The following AOAH variants were observed in gnomAD, a reference collection of about 807,000 sequenced individuals.
AOAH encodes the protein acyloxyacyl hydrolase (neutrophil).
AOAH carries 64 observed loss-of-function variants against 92.2 expected under a neutral mutation model. That is an observed-to-expected ratio of 0.69 (90% CI 0.57 to 0.86). The LOEUF is 0.86. Among genes scored for constraint, AOAH ranks in the 40% least tolerant of loss-of-function variants. The pLI, the probability that AOAH is intolerant of heterozygous loss-of-function variation, is 0.00. For missense variants in AOAH, 656 were observed against 694.6 expected, an observed-to-expected ratio of 0.94 and a Z score of 0.62; for synonymous variants, 263 against 254.5, an observed-to-expected ratio of 1.03 and a Z score of -0.32.
At chr7:36,605,584 T>C (rs1790941089) in intron 11 of AOAH, among the ~76,000 whole-genome samples, 2 of 152,234 alleles carry the variant, frequency 1.3e-5, no homozygotes, top group South Asian at 2.1e-4. Context: ...TAATTATAAA[T>C]GCTTTTCAGA....
intron 4 of AOAH, among the ~76,000 whole-genome samples, chr7:36,649,451 G>C (rs1421758360): frequency 2.0e-5 from 3 of 152,206 alleles, no homozygotes; most frequent in Non-Finnish European, 4.4e-5. Context: ...GAAGGTGACT[G>C]CATCCGCTTT....
chr7:36,570,991 G>C (rs914788741), intron 13 of AOAH, among the ~76,000 whole-genome samples: 1 of 152,020 alleles, frequency 6.6e-6, no homozygotes, highest in African/African-American at 2.4e-5. Context: ...AGCAAATAAC[G>C]AACCATACAC....
chr7:36,595,176 T>A (rs1386425236), intron 11 of AOAH, among the ~76,000 whole-genome samples: 3 of 152,188 alleles, frequency 2.0e-5, no homozygotes, highest in Non-Finnish European at 4.4e-5. Context: ...GTGGTCTAAA[T>A]TTTAGAAAAA....
chr7:36,540,183 C>T, intron 16 of AOAH, 136 bp downstream of exon 16: 1 of 771,106 alleles, frequency 1.3e-6, no homozygotes, highest in Non-Finnish European at 2.0e-6. Flanking sequence ...CACCTAGGGG[C>T]TCTTGCCTTT....
intron 20 of AOAH, 121 bp downstream of exon 20, chr7:36,521,918 A>G: frequency 1.2e-6 from 1 of 808,978 alleles, no homozygotes; most frequent in Admixed American, 2.1e-5. Flanking sequence ...ATGTATGTAC[A>G]CTACCTCAAA....
chr7:36,554,711 G>T (rs1461023961), intron 13 of AOAH, among the ~76,000 whole-genome samples: 1 of 150,918 alleles, frequency 6.6e-6, no homozygotes, highest in Non-Finnish European at 1.5e-5. Context: ...TCCCTTGTAA[G>T]TTGGATTCCT....
At chr7:36,645,240 G>C (rs866740025) in intron 4 of AOAH, among the ~76,000 whole-genome samples, 1 of 152,140 alleles carries the variant, frequency 6.6e-6, no homozygotes, top group Non-Finnish European at 1.5e-5. Flanking sequence ...AATGGGAGGA[G>C]TGCCCTTATG....
intron 3 of AOAH, among the ~76,000 whole-genome samples, chr7:36,663,820 C>T (rs559165531): frequency 3.3e-5 from 5 of 152,242 alleles, no homozygotes; most frequent in Non-Finnish European, 5.9e-5. Flanking sequence ...AAATACCCAG[C>T]GGTATGAATC....
chr7:36,649,798 T>A (rs1019422276), intron 4 of AOAH, among the ~76,000 whole-genome samples: 1 of 152,228 alleles, frequency 6.6e-6, no homozygotes, highest in South Asian at 2.1e-4. Context: ...GACCTACCGC[T>A]AACTTCCATC....
intron 3 of AOAH, among the ~76,000 whole-genome samples, chr7:36,659,501 C>G (rs1795079200): frequency 6.6e-6 from 1 of 152,178 alleles, no homozygotes; most frequent in Non-Finnish European, 1.5e-5. Context: ...ATGCACAGCA[C>G]TGAGCTGCCA....
At chr7:36,577,433 G>T (rs1307959376) in intron 12 of AOAH, among the ~76,000 whole-genome samples, 5 of 152,176 alleles carry the variant, frequency 3.3e-5, no homozygotes, top group African/African-American at 1.2e-4. Flanking sequence ...GGATCCCTGA[G>T]AACTGGGTGG....
intron 2 of AOAH, among the ~76,000 whole-genome samples, chr7:36,680,499 C>A (rs1227086750): frequency 6.6e-6 from 1 of 152,202 alleles, no homozygotes; most frequent in African/African-American, 2.4e-5. Context: ...CCCCCATTCA[C>A]CTGGCCTACC....
At chr7:36,712,239 A>T (rs1463300151) in intron 1 of AOAH, among the ~76,000 whole-genome samples, 3 of 152,170 alleles carry the variant, frequency 2.0e-5, no homozygotes, top group Non-Finnish European at 4.4e-5. Context: ...CATCAATCAA[A>T]CTATGAAGTC....
intron 20 of AOAH, among the ~76,000 whole-genome samples, chr7:36,518,132 C>A (rs10499591): frequency 6.6e-6 from 1 of 152,172 alleles, no homozygotes; most frequent in Non-Finnish European, 1.5e-5. Flanking sequence ...TAGTCTTATC[C>A]TATATACTTT....
intron 11 of AOAH, among the ~76,000 whole-genome samples, chr7:36,610,523 A>ATATT: frequency 6.6e-6 from 1 of 151,474 alleles, no homozygotes; most frequent in Non-Finnish European, 1.5e-5. Context: ...AAAAAAAAGA[A>ATATT]TATTAAAGAA....
chr7:36,589,929 A>C (rs1012490080), intron 12 of AOAH, among the ~76,000 whole-genome samples: 9 of 151,920 alleles, frequency 5.9e-5, no homozygotes, highest in Admixed American at 1.3e-4. Context: ...TTTTAATCTT[A>C]ATTTTTTTTA....
chr7:36,629,821 GGAAAAGTGTCTTTGTTAGGGGTT>G (rs1416516935), intron 6 of AOAH, among the ~76,000 whole-genome samples: 1 of 152,164 alleles, frequency 6.6e-6, no homozygotes, highest in Non-Finnish European at 1.5e-5. Context: ...GGCAGAACAA[GGAAAAGTGTCTTTGTTAGGGGTT>G]GAATTGTGTT....
intron 1 of AOAH, among the ~76,000 whole-genome samples, chr7:36,688,097 A>G (rs958747813): frequency 6.6e-6 from 1 of 152,156 alleles, no homozygotes; most frequent in African/African-American, 2.4e-5. Context: ...GGATGCATTG[A>G]TCACCATTAA....
chr7:36,620,194 G>T (rs1251756346), intron 9 of AOAH, among the ~76,000 whole-genome samples: 1 of 151,842 alleles, frequency 6.6e-6, no homozygotes, highest in Non-Finnish European at 1.5e-5. Context: ...TTTTCATGAG[G>T]AACCCTCAAA....
Sources: gnomAD v4.1 joint callset for allele counts (sites outside exome capture counted in the v4.1 genomes callset) on GRCh38, gnomAD v4.1.1 for gene constraint, MANE v1.5 for transcripts, NCBI Gene and HGNC (gene_info 2026-07-23, HGNC 2026-07-21) for gene names.